The following TBC1D9 variants were observed in gnomAD, a reference collection of about 807,000 sequenced individuals.
TBC1D9 encodes the protein TBC1 domain family member 9, also known as TBC1 domain family member 9A.
TBC1D9 carries 63 observed loss-of-function variants against 132.0 expected under a neutral mutation model. That is an observed-to-expected ratio of 0.48 (90% CI 0.39 to 0.59). TBC1D9 has a LOEUF of 0.59. TBC1D9 is among the 20% of genes least tolerant of loss of function. TBC1D9 has a pLI of 0.00. For missense variants in TBC1D9, 1,261 were observed against 1,592.7 expected, an observed-to-expected ratio of 0.79 and a Z score of 3.54; for synonymous variants, 610 against 609.9, an observed-to-expected ratio of 1.00 and a Z score of 0.00.
chr4:140,650,344 A>G (rs1737169881), intron 13 of TBC1D9, among the ~76,000 whole-genome samples: 1 of 152,222 alleles, frequency 6.6e-6, no homozygotes, highest in African/African-American at 2.4e-5. Flanking sequence ...TTGAAAAATT[A>G]AAAGTTCTGG....
At chr4:140,700,357 G>A (rs929342582) in intron 2 of TBC1D9, among the ~76,000 whole-genome samples, 10 of 151,716 alleles carry the variant, frequency 6.6e-5, no homozygotes, top group Admixed American at 4.6e-4. Flanking sequence ...GGCTGAAGCA[G>A]GAGAATCGCT....
At chr4:140,709,904 C>T (rs767034215) in intron 1 of TBC1D9, among the ~76,000 whole-genome samples, 1 of 152,168 alleles carries the variant, frequency 6.6e-6, no homozygotes, top group East Asian at 1.9e-4. Context: ...CTCAAATGCT[C>T]CCTCACCTGC....
chr4:140,712,513 C>T lies in TBC1D9; in HGVS notation c.131-10899G>A, dbSNP rs181939638. On this transcript the variant is annotated intron_variant, in intron 1 of 20. Transcript: ENST00000442267. Reference sequence around the variant, plus strand: ...ATCCCAGCACTTTGGGAGGCCCAGGCGGGCAAATCACGAGGTCAAGAGTTC... The same window carrying T: ...ATCCCAGCACTTTGGGAGGCCCAGGTGGGCAAATCACGAGGTCAAGAGTTC... Among the ~76,000 whole-genome samples the T allele has an allele frequency of 4.0e-3, 551 of 139,050 alleles. 4 individuals are homozygous for T. Among genetic ancestry groups the T allele is most frequent in the African/African-American group, 0.014 (513 of 35,708 alleles). The allele number at this position is 139,050 out of a possible 152,430, so 91.2% of individuals were successfully genotyped here.
intron 18 of TBC1D9, among the ~76,000 whole-genome samples, chr4:140,627,240 G>A (rs1325445833): frequency 6.6e-6 from 1 of 152,190 alleles, no homozygotes; most frequent in Non-Finnish European, 1.5e-5. Flanking sequence ...GGGAAACAAT[G>A]TACATGTTTC....
chr4:140,731,197 C>T lies in TBC1D9; in HGVS notation c.130+24719G>A, dbSNP rs544855447. ...TGCTGAGTAGCTTCTCACTCAGTGC[C>T]ATCCTCTGCAGCACAATGATGATGG... On this transcript the variant is annotated intron_variant, in intron 1 of 20. Coordinates refer to ENST00000442267, the MANE Select transcript of TBC1D9 (RefSeq NM_015130.3). Among the ~76,000 whole-genome samples the T allele has an allele frequency of 3.3e-5, 5 of 152,306 alleles. No individual in the cohort carries two copies. In the East Asian group the frequency reaches 7.7e-4, roughly 24 times the overall value.
chr4:140,642,505 A>C, intron 13 of TBC1D9: 1 of 1,147,900 alleles, frequency 8.7e-7, no homozygotes, highest in Non-Finnish European at 1.3e-6. Flanking sequence ...ACTGTCTGAA[A>C]ACTTGAAGGG....
intron 17 of TBC1D9, 81 bp downstream of exon 17, chr4:140,628,219 C>T (rs1383618676): frequency 2.5e-5 from 30 of 1,203,828 alleles, no homozygotes; most frequent in African/African-American, 9.0e-5. Context: ...AAAAAGAGGA[C>T]GATCAGGTTA....
chr4:140,639,358 G>A lies in TBC1D9; in HGVS notation c.2408C>T (p.Thr803Met), dbSNP rs769548584. The change falls in exon 14 of 21, where the codon ACG becomes ATG. Residue 803 changes from threonine to methionine, a missense_variant. This residue lies in a region of TBC1D9 where 618 missense variants were observed against 724.4 expected (regional missense o/e 0.85). Coordinates refer to ENST00000442267, the MANE Select transcript of TBC1D9 (RefSeq NM_015130.3). ...GTTGCGTTTCGTAGTATCCTCCAGCGTCTGGATCACTTTCAGTCTCTGTTT... is the reference window on the plus strand; with the variant it reads ...GTTGCGTTTCGTAGTATCCTCCAGCATCTGGATCACTTTCAGTCTCTGTTT... ...RFKQRLKVIQTLEDTTKRNVV... is the reference protein window; with the variant it reads ...RFKQRLKVIQMLEDTTKRNVV... The A allele has an allele frequency of 6.2e-6, 10 of 1,612,852 alleles. No homozygotes were observed. The highest frequency in any genetic ancestry group is 4.0e-5 in the African/African-American group (3 of 75,016).
intron 2 of TBC1D9, among the ~76,000 whole-genome samples, chr4:140,694,005 G>A (rs1055169664): frequency 2.6e-5 from 4 of 152,014 alleles, no homozygotes; most frequent in African/African-American, 9.7e-5. Context: ...CTTTCTGGAG[G>A]GCAATCAGGC....
At chr4:140,659,758 C>A in intron 10 of TBC1D9, 53 bp from the exon 11 acceptor site, 1 of 1,230,116 alleles carries the variant, frequency 8.1e-7, no homozygotes, top group Non-Finnish European at 1.2e-6. Flanking sequence ...ATAAGCAATT[C>A]TGTTAGCATA....
At chr4:140,659,552 G>A in intron 11 of TBC1D9, 36 bp downstream of exon 11, 1 of 1,428,156 alleles carries the variant, frequency 7.0e-7, no homozygotes, top group Non-Finnish European at 9.7e-7. Context: ...TTCTTGACGA[G>A]ACATAGGTTG....
intron 1 of TBC1D9, among the ~76,000 whole-genome samples, chr4:140,748,531 T>C: frequency 6.6e-6 from 1 of 152,166 alleles, no homozygotes; most frequent in East Asian, 1.9e-4. Flanking sequence ...ACAAATTATC[T>C]AGATCATATT....
intron 13 of TBC1D9, among the ~76,000 whole-genome samples, chr4:140,649,323 T>C (rs1168767736): frequency 5.3e-5 from 8 of 152,242 alleles, no homozygotes; most frequent in Non-Finnish European, 7.3e-5. Flanking sequence ...AACTAGGTCA[T>C]CAAATTATGC....
At chr4:140,656,088 T>C (rs1737262423) in intron 13 of TBC1D9, among the ~76,000 whole-genome samples, 1 of 152,154 alleles carries the variant, frequency 6.6e-6, no homozygotes, top group Non-Finnish European at 1.5e-5. Context: ...TCAATGTCCA[T>C]CTCTGGAGGC....
intron 1 of TBC1D9, among the ~76,000 whole-genome samples, chr4:140,704,834 C>A (rs1005713591): frequency 6.6e-6 from 1 of 152,166 alleles, no homozygotes; most frequent in Non-Finnish European, 1.5e-5. Flanking sequence ...AAGCAGAGCC[C>A]CCTGGAGTGA....
In TBC1D9 at chr4:140,634,117, G is replaced by A; in HGVS notation, c.2577C>T (p.Pro859=). 6.2e-7 allele frequency: 1 copy of A among 1,614,002 alleles called. No individual in the cohort carries two copies. Among genetic ancestry groups the A allele is most frequent in the Non-Finnish European group, 8.5e-7 (1 of 1,179,902 alleles). The change falls in exon 16 of 21, where the codon CCC becomes CCT. Residue 859 remains proline, a synonymous_variant. Coordinates refer to ENST00000442267, the MANE Select transcript of TBC1D9 (RefSeq NM_015130.3). ...AGTCAATGCGATACTGTTCCAGGTAGGGCAGGCTGGGGTCATGCCGGTCCA... is the reference window on the plus strand; with the variant it reads ...AGTCAATGCGATACTGTTCCAGGTAAGGCAGGCTGGGGTCATGCCGGTCCA... ...NALDRHDPSL[P]YLEQYRIDFE...
At chr4:140,637,490 T>C (rs1489569900) in intron 15 of TBC1D9, among the ~76,000 whole-genome samples, 1 of 152,176 alleles carries the variant, frequency 6.6e-6, no homozygotes, top group East Asian at 1.9e-4. Flanking sequence ...CTCTTACCTG[T>C]CCATGCTCTT....
intron 2 of TBC1D9, among the ~76,000 whole-genome samples, chr4:140,695,134 A>G (rs75443719): frequency 0.023 from 3,519 of 152,312 alleles, 83 homozygotes; most frequent in Admixed American, 0.059. Flanking sequence ...ACCAGCCGCT[A>G]ACTAAAAGAA....
In TBC1D9 at chr4:140,657,514, C is replaced by T; in HGVS notation, c.2207+13G>A. ...ACCGGAGATGGTTTTCAAAGTTAGG[C>T]TTAGTACAATACCTTCCCAAAACGG... On this transcript the variant is annotated intron_variant, in intron 12 of 20. Transcript: ENST00000442267. 2 of 1,605,518 alleles carry T rather than the reference C, an allele frequency of 1.2e-6. No individual in the cohort carries two copies. The highest frequency in any genetic ancestry group is 1.7e-6 in the Non-Finnish European group (2 of 1,175,550).
Sources: allele counts gnomAD v4.1 joint callset (sites outside exome capture counted in the v4.1 genomes callset), GRCh38; gene constraint gnomAD v4.1.1; regional missense constraint gnomAD v4.1.1; transcripts MANE v1.5; gene names NCBI Gene and HGNC (gene_info 2026-07-23, HGNC 2026-07-21).